Variants in LRRC69 observed in about 807,000 individuals in gnomAD.
LRRC69 encodes the protein leucine rich repeat containing 69.
Under a neutral mutation model 37.8 loss-of-function variants are expected in LRRC69, and 42 were observed. That is an observed-to-expected ratio of 1.11 (90% confidence interval 0.87 to 1.44). The LOEUF (loss-of-function observed/expected upper bound fraction) is 1.44, where lower values mean the gene tolerates loss of function less well. LRRC69 is among the 40% of genes most tolerant of loss of function. The pLI, the probability that LRRC69 is intolerant of heterozygous loss-of-function variation, is 0.00. For synonymous variants in LRRC69, 141 were observed against 143.1 expected (o/e 0.99, Z 0.11); for missense variants, 357 against 401.9 (o/e 0.89, Z 0.96).
intron 5 of LRRC69, among the ~76,000 whole-genome samples, chr8:91,184,876 G>T (rs970709510): frequency 1.3e-5 from 2 of 152,250 alleles, no homozygotes; most frequent in Admixed American, 1.3e-4. Flanking sequence ...GCAGGTACTG[G>T]GAGATGAGGC....
chr8:91,211,846 G>A (rs1481948803), intron 7 of LRRC69, among the ~76,000 whole-genome samples: 4 of 151,888 alleles, frequency 2.6e-5, no homozygotes, highest in African/African-American at 7.2e-5. Context: ...GACACTGGAT[G>A]ATAAATGGGT....
intron 6 of LRRC69, among the ~76,000 whole-genome samples, chr8:91,192,642 T>C (rs1360420224): frequency 6.6e-6 from 1 of 152,224 alleles, no homozygotes; most frequent in Non-Finnish European, 1.5e-5. Flanking sequence ...CATAAATGTC[T>C]TCTTTTGAGA....
intron 5 of LRRC69, among the ~76,000 whole-genome samples, chr8:91,169,533 T>TA (rs1249316674): frequency 6.7e-6 from 1 of 148,950 alleles, no homozygotes; most frequent in African/African-American, 2.5e-5. Flanking sequence ...ATTTTTTTTT[T>TA]ATTATACCTT....
intron 1 of LRRC69, among the ~76,000 whole-genome samples, chr8:91,121,480 G>C (rs1356793535): frequency 6.6e-6 from 1 of 151,798 alleles, no homozygotes; most frequent in Admixed American, 6.6e-5. Flanking sequence ...ATCTCCTGGG[G>C]CTCCTCAACC....
intron 5 of LRRC69, among the ~76,000 whole-genome samples, chr8:91,137,575 T>C (rs531596024): frequency 1.9e-4 from 29 of 152,200 alleles, no homozygotes; most frequent in African/African-American, 7.0e-4. Context: ...TTCTATGAAG[T>C]GATTCTGTAC....
At chr8:91,189,423 CTAAA>C in intron 5 of LRRC69, 95 bp from the exon 6 acceptor site, 5 of 838,890 alleles carry the variant, frequency 6.0e-6, no homozygotes, top group African/African-American at 1.7e-5. Context: ...ATTTTTAGTC[CTAAA>C]TAAAGTAATT....
At chr8:91,213,050 CT>C (rs2130649104) in intron 7 of LRRC69, among the ~76,000 whole-genome samples, 2 of 152,150 alleles carry the variant, frequency 1.3e-5, no homozygotes, top group South Asian at 4.1e-4. Flanking sequence ...TCTAAATAAT[CT>C]TACATTTTAT....
At chr8:91,161,392 G>T (rs190277798) in intron 5 of LRRC69, among the ~76,000 whole-genome samples, 21 of 151,410 alleles carry the variant, frequency 1.4e-4, no homozygotes, top group African/African-American at 5.1e-4. Flanking sequence ...AAGTTTGATA[G>T]AATTTAGCAG....
At chr8:91,167,678 C>T (rs181377278) in intron 5 of LRRC69, among the ~76,000 whole-genome samples, 7 of 152,068 alleles carry the variant, frequency 4.6e-5, no homozygotes, top group South Asian at 2.1e-4. Context: ...AATGTAAATA[C>T]TCCCACCATG....
intron 7 of LRRC69, among the ~76,000 whole-genome samples, chr8:91,217,638 T>C (rs775711937): frequency 1.3e-5 from 2 of 152,134 alleles, no homozygotes; most frequent in Non-Finnish European, 2.9e-5. Flanking sequence ...TGAGAAAAGT[T>C]GCTCTCTCAC....
intron 5 of LRRC69, chr8:91,157,881 A>T (rs1394904103): frequency 3.8e-6 from 6 of 1,595,968 alleles, no homozygotes; most frequent in Non-Finnish European, 5.1e-6. Flanking sequence ...TTTTTAGATA[A>T]GGGAGAGTTT....
At chr8:91,105,659 CAA>C (rs11407238) in intron 1 of LRRC69, among the ~76,000 whole-genome samples, 15 of 110,498 alleles carry the variant, frequency 1.4e-4, no homozygotes, top group Non-Finnish European at 1.3e-4. Context: ...GATTCTGTCT[CAA>C]AAAAAAAAAA....
intron 5 of LRRC69, among the ~76,000 whole-genome samples, chr8:91,144,552 A>G (rs1193198103): frequency 3.3e-5 from 5 of 151,790 alleles, no homozygotes; most frequent in Admixed American, 2.6e-4. Flanking sequence ...TGGAAATAGG[A>G]CCTCTCATTA....
intron 5 of LRRC69, among the ~76,000 whole-genome samples, chr8:91,178,974 C>A (rs1205542297): frequency 6.6e-6 from 1 of 152,144 alleles, no homozygotes; most frequent in Non-Finnish European, 1.5e-5. Flanking sequence ...ATATTTTCCC[C>A]ATGTAAACTT....
intron 1 of LRRC69, among the ~76,000 whole-genome samples, chr8:91,122,143 A>G (rs764068429): frequency 5.9e-5 from 9 of 152,096 alleles, no homozygotes; most frequent in Non-Finnish European, 1.3e-4. Context: ...AAATACACAG[A>G]AGAGCATTGA....
At chr8:91,126,873 T>C (rs896105751) in intron 2 of LRRC69, among the ~76,000 whole-genome samples, 25 of 152,052 alleles carry the variant, frequency 1.6e-4, no homozygotes, top group African/African-American at 6.0e-4. Context: ...CCTGGTTGCA[T>C]CCTCATTCCA....
chr8:91,160,718 A>G lies in LRRC69; in HGVS notation c.651+24979A>G, dbSNP rs568708053. On this transcript the variant is annotated intron_variant, in intron 5 of 7. Coordinates refer to ENST00000448384, the Ensembl canonical transcript of LRRC69. ...TGCCTCATGTACAGCCTGTGGAACC[A>G]TGAGTCAATTAAACCTCTTTTCTTC... Among the ~76,000 whole-genome samples the G allele has an allele frequency of 3.3e-5, 5 of 151,370 alleles. No homozygotes were observed. The East Asian group carries it at 7.8e-4, about 24-fold the overall frequency.
intron 5 of LRRC69, chr8:91,138,920 G>T (rs1006671947): frequency 1.5e-4 from 22 of 151,714 alleles, no homozygotes; most frequent in African/African-American, 5.1e-4. Flanking sequence ...AAAAAAATTA[G>T]CTGGGTTTAG....
exon 1 of LRRC69, chr8:91,102,747 T>G (rs1449131897): frequency 4.5e-6 from 7 of 1,551,924 alleles, no homozygotes; most frequent in Non-Finnish European, 6.1e-6. Flanking sequence ...ATGACAAAGA[T>G]GCCCTCAGCA....
Sources: allele counts gnomAD v4.1 joint callset (sites outside exome capture counted in the v4.1 genomes callset), GRCh38; gene constraint gnomAD v4.1.1; transcripts MANE v1.5; gene names NCBI Gene and HGNC (gene_info 2026-07-23, HGNC 2026-07-21).